SLC24A3: variants seen among roughly 807,000 people sequenced by gnomAD.
SLC24A3 encodes sodium/potassium/calcium exchanger 3.
Under a neutral mutation model 75.8 loss-of-function variants are expected in SLC24A3, and 28 were observed. The ratio of observed to expected loss-of-function variants is 0.37; its 90% confidence interval spans 0.27 to 0.51. The LOEUF is 0.51. Ranked by LOEUF, SLC24A3 falls within the 20% of genes least tolerant of loss-of-function variation. The pLI is 0.94. For synonymous variants in SLC24A3, 372 were observed against 334.1 expected, an observed-to-expected ratio of 1.11 and a Z score of -1.24; for missense variants, 663 against 847.8, an observed-to-expected ratio of 0.78 and a Z score of 2.71.
intron 15 of SLC24A3, among the ~76,000 whole-genome samples, chr20:19,715,114 C>T (rs2033030969): frequency 6.6e-6 from 1 of 152,242 alleles, no homozygotes; most frequent in South Asian, 2.1e-4. Context: ...CCAAGAGCCT[C>T]TTCCTCTCTC....
intron 2 of SLC24A3, among the ~76,000 whole-genome samples, chr20:19,481,439 G>A (rs1207749336): frequency 6.6e-6 from 1 of 152,198 alleles, no homozygotes; most frequent in East Asian, 1.9e-4. Flanking sequence ...AAATGGTGGA[G>A]TCACAGTGGA....
At chr20:19,487,555 G>A (rs1268656935) in intron 2 of SLC24A3, among the ~76,000 whole-genome samples, 2 of 152,136 alleles carry the variant, frequency 1.3e-5, no homozygotes, top group Admixed American at 1.3e-4. Flanking sequence ...TGACACATCT[G>A]TGGTCCCCAA....
chr20:19,316,394 G>A (rs1313508880), intron 2 of SLC24A3, among the ~76,000 whole-genome samples: 1 of 152,232 alleles, frequency 6.6e-6, no homozygotes, highest in African/African-American at 2.4e-5. Flanking sequence ...GTGTCCTGCA[G>A]CCACTGGGTC....
chr20:19,306,610 A>G (rs753745831), intron 2 of SLC24A3, among the ~76,000 whole-genome samples: 5 of 152,218 alleles, frequency 3.3e-5, no homozygotes, highest in Non-Finnish European at 7.3e-5. Flanking sequence ...ACAGAAAACC[A>G]AATGCTACAT....
At chr20:19,530,391 G>A (rs1458249876) in intron 3 of SLC24A3, among the ~76,000 whole-genome samples, 1 of 152,210 alleles carries the variant, frequency 6.6e-6, no homozygotes, top group African/African-American at 2.4e-5. Context: ...GGTGGTGATG[G>A]AACTGGTTCA....
intron 6 of SLC24A3, among the ~76,000 whole-genome samples, chr20:19,631,744 A>G (rs2031935845): frequency 6.6e-6 from 1 of 151,830 alleles, no homozygotes; most frequent in South Asian, 2.1e-4. Context: ...AAAATCTTAA[A>G]CCATCATAAG....
chr20:19,441,617 G>C (rs1987300628), intron 2 of SLC24A3, among the ~76,000 whole-genome samples: 1 of 152,116 alleles, frequency 6.6e-6, no homozygotes. Flanking sequence ...CGTTTTCCCT[G>C]TTAACATCTT....
rs749319226 is a variant in SLC24A3, at chr20:19,235,562, C to T, written c.142+22578C>T. The stretch of plus-strand genomic sequence containing the variant: ...GGTCTCTGTACTAGCTCCTTCACAG[C>T]GTCTCTCCCATGGCTCCTCATCTGG... On this transcript the variant is annotated intron_variant, in intron 1 of 16. Coordinates refer to ENST00000328041, the MANE Select transcript of SLC24A3 (RefSeq NM_020689.4). 3.4e-4 allele frequency among the ~76,000 whole-genome samples: 51 copies of T among 152,156 alleles called. 1 individual carries two copies. The highest frequency in any genetic ancestry group is 2.6e-3 in the Admixed American group (40 of 15,282).
intron 2 of SLC24A3, among the ~76,000 whole-genome samples, chr20:19,493,720 G>A (rs1007877900): frequency 1.3e-5 from 2 of 152,116 alleles, no homozygotes; most frequent in African/African-American, 2.4e-5. Context: ...TCTTAGTTGG[G>A]GGGATCAGTT....
chr20:19,228,463 C>T (rs1254794293), intron 1 of SLC24A3, among the ~76,000 whole-genome samples: 1 of 152,120 alleles, frequency 6.6e-6, no homozygotes, highest in Non-Finnish European at 1.5e-5. Context: ...CACTGTGAAA[C>T]CTTGTCTCTA....
chr20:19,677,913 C>A (rs150386714), intron 9 of SLC24A3, among the ~76,000 whole-genome samples: 19 of 151,334 alleles, frequency 1.3e-4, no homozygotes, highest in Non-Finnish European at 2.5e-4. Flanking sequence ...TGACTCTTAA[C>A]GAGCATGCTG....
intron 1 of SLC24A3, among the ~76,000 whole-genome samples, chr20:19,225,572 A>C (rs919748047): frequency 3.3e-5 from 5 of 151,604 alleles, no homozygotes; most frequent in Admixed American, 3.3e-4. Context: ...CACCCCAAAA[A>C]CCCCCCTCAA....
intron 1 of SLC24A3, among the ~76,000 whole-genome samples, chr20:19,269,210 A>G (rs2122207551): frequency 6.6e-6 from 1 of 152,388 alleles, no homozygotes; most frequent in South Asian, 2.1e-4. Context: ...CATGTTGGAC[A>G]GTGCAAATAT....
intron 4 of SLC24A3, among the ~76,000 whole-genome samples, chr20:19,583,766 T>C (rs1183624478): frequency 6.6e-6 from 1 of 152,174 alleles, no homozygotes; most frequent in South Asian, 2.1e-4. Flanking sequence ...CTTAGCTCCA[T>C]GGGACAGGAG....
intron 15 of SLC24A3, among the ~76,000 whole-genome samples, chr20:19,702,331 A>G (rs2032883860): frequency 6.6e-6 from 1 of 152,244 alleles, no homozygotes; most frequent in African/African-American, 2.4e-5. Flanking sequence ...TTCAGGCTTT[A>G]GTGGATGTTT....
intron 1 of SLC24A3, among the ~76,000 whole-genome samples, chr20:19,273,433 C>G (rs898852285): frequency 6.6e-6 from 1 of 152,172 alleles, no homozygotes. Context: ...CTCCCTTTCT[C>G]CATCAGGACT....
intron 2 of SLC24A3, among the ~76,000 whole-genome samples, chr20:19,300,068 GA>G (rs1327741661): frequency 6.6e-6 from 1 of 152,170 alleles, no homozygotes; most frequent in Non-Finnish European, 1.5e-5. Flanking sequence ...GTGATGTGTG[GA>G]TTCCTCAAAG....
intron 6 of SLC24A3, among the ~76,000 whole-genome samples, chr20:19,611,435 A>T (rs1280651306): frequency 6.6e-6 from 1 of 152,064 alleles, no homozygotes; most frequent in Non-Finnish European, 1.5e-5. Flanking sequence ...CCCACTTAGG[A>T]CTCTCTAAGC....
chr20:19,265,872 C>A (rs1254480597), intron 1 of SLC24A3: 1 of 152,898 alleles, frequency 6.5e-6, no homozygotes, highest in Admixed American at 6.5e-5. Context: ...CTCTCAGAAC[C>A]AATCATTATG....
Sources: allele counts gnomAD v4.1 joint callset (sites outside exome capture counted in the v4.1 genomes callset), GRCh38; gene constraint gnomAD v4.1.1; transcripts MANE v1.5; gene names NCBI Gene and HGNC (gene_info 2026-07-23, HGNC 2026-07-21).